Variants in MRFAP1L1 observed in about 807,000 individuals in gnomAD.
MRFAP1L1 encodes the protein MORF4 family-associated protein 1-like 1.
A neutral mutation model predicts 10.6 loss-of-function variants in MRFAP1L1; 9 were observed. That is an observed-to-expected ratio of 0.85 (90% CI 0.51 to 1.48). The LOEUF (loss-of-function observed/expected upper bound fraction) is 1.48. MRFAP1L1 is among the 40% of genes most tolerant of loss of function. The pLI is 0.00. For synonymous variants in MRFAP1L1, 78 were observed against 70.4 expected, an observed-to-expected ratio of 1.11 and a Z score of -0.54; for missense variants, 177 against 171.4, an observed-to-expected ratio of 1.03 and a Z score of -0.18.
At position 6,709,480 on chromosome 4, in the gene MRFAP1L1, G is replaced by T; in HGVS notation, c.150C>A (p.Tyr50Ter). ...ASLIREHGRA[Y>*]LRTRSKLWEM... ...CCCACAGCTTGCTCCTGGTCCGCAG[G>T]TACGCCCGCCCGTGCTCGCGTATAA... Residue 50 changes from tyrosine (Y) to a stop codon, truncating the protein, a stop_gained, in exon 1 of 2, where the codon TAC becomes TAA. Coordinates refer to ENST00000320848, the MANE Select transcript of MRFAP1L1 (RefSeq NM_203462.3). LOFTEE classifies it high-confidence loss of function. The T allele has an allele frequency of 6.2e-7, 1 of 1,614,260 alleles. No individual in the cohort carries two copies. Among genetic ancestry groups the T allele is most frequent in the East Asian group, 2.2e-5 (1 of 44,886 alleles).
chr4:6,709,167 G>C (rs1714696541), intron 1 of MRFAP1L1, 64 bp downstream of exon 1: 1 of 1,534,468 alleles, frequency 6.5e-7, no homozygotes, highest in African/African-American at 1.4e-5. Context: ...TACAGGGCGC[G>C]GTTTAACCAT....
Position 6,708,234 on chromosome 4 carries a change from A to C in MRFAP1L1, c.*425T>G, listed in dbSNP as rs1160884002. On this transcript the variant is annotated 3_prime_UTR_variant, in exon 2 of 2. Coordinates refer to ENST00000320848, the MANE Select transcript of MRFAP1L1 (RefSeq NM_203462.3). ...AATACATTCTTCACCAGGCTCAACC[A>C]AGTAGCGTAGTGTCTTCCATTGCAC... is the stretch of plus-strand genomic sequence containing the variant. The C allele has an allele frequency of 2.0e-5, 3 of 152,652 alleles. No individual in the cohort carries two copies. The highest frequency in any genetic ancestry group is 2.0e-4 in the Admixed American group (3 of 15,278). The allele number at this position is 152,652 out of a possible 1,614,324, so 9.5% of individuals were successfully genotyped here.
chr4:6,709,213 G>A lies in MRFAP1L1; in HGVS notation c.*15+18C>T, dbSNP rs1278399959. 6.2e-7 allele frequency: 1 copy of A among 1,604,690 alleles called. No homozygotes were observed. Among genetic ancestry groups the A allele is most frequent in the Admixed American group, 1.7e-5 (1 of 59,796 alleles). On this transcript the variant is annotated intron_variant, in intron 1 of 1. Transcript: ENST00000320848. ...ACTACTGAGTTTCATCCAAGCTCCA[G>A]CTAGTTTCCGACCTTACCACCGATC... is the stretch of plus-strand genomic sequence containing the variant.
rs567270659 is a variant in MRFAP1L1 at position 6,709,643 on chromosome 4, T to C, written c.-14A>G. ...CAGGGGCCGCATCTCCTCCTGCCGC[T>C]TCCTCAGTACCGCAGTAGGGGCGTT... On this transcript the variant is annotated 5_prime_UTR_variant, in exon 1 of 2. Transcript: ENST00000320848. 3.2e-5 allele frequency: 52 copies of C among 1,608,086 alleles called. No individual in the cohort carries two copies. In the South Asian group the frequency reaches 4.8e-4, roughly 15 times the overall value.
In MRFAP1L1 at chr4:6,709,808, A is replaced by G. The variant is rs932419802; in HGVS notation, c.-179T>C. On this transcript the variant is annotated 5_prime_UTR_variant, in exon 1 of 2. Coordinates refer to ENST00000320848, the MANE Select transcript of MRFAP1L1 (RefSeq NM_203462.3). ...TTAATTGTAAGCCTTTCGCTTCACA[A>G]CTCTGCGGGAAGAATCGCCGTGGAT... The G allele has an allele frequency of 3.5e-6, 3 of 861,022 alleles. No homozygotes were observed. The highest frequency in any genetic ancestry group is 3.0e-5 in the Admixed American group (1 of 33,154). 53.3% of individuals were successfully genotyped at this position (861,022 alleles called of 1,614,324 possible). A position where few individuals can be genotyped will look rare whatever the true frequency, so the allele number is the denominator to read the frequency against.
Position 6,709,762 on chromosome 4 carries a change from CTTTATT to C in MRFAP1L1, c.-139_-134del, listed in dbSNP as rs1464288494. On this transcript the variant is annotated 5_prime_UTR_variant, in exon 1 of 2. Coordinates refer to ENST00000320848, the MANE Select transcript of MRFAP1L1 (RefSeq NM_203462.3). ...TTTGTCAATTGTACTCCCGAATTAT[CTTTATT>C]TTTTTTTCTTCCTTTTAATTGTAAG... 1 of 1,199,814 alleles carries C rather than the reference CTTTATT, an allele frequency of 8.3e-7. No homozygotes were observed. The allele number at this position is 1,199,814 out of a possible 1,614,324, so 74.3% of individuals were successfully genotyped here. A position where few individuals can be genotyped will look rare whatever the true frequency, so the allele number is the denominator to read the frequency against.
In MRFAP1L1 at chr4:6,709,267, T is replaced by A; in HGVS notation, c.363A>T (p.Ile121=). ...TCCTTCAAGAAGACTCGCTTCTCTC[T>A]ATTCGCCAGACGAGCTCGACCAGCA... ...AEMLVELVWR[I]ERSESS The change falls in exon 1 of 2, where the codon ATA becomes ATT. Residue 121 remains isoleucine, a synonymous_variant. Coordinates refer to ENST00000320848, the MANE Select transcript of MRFAP1L1 (RefSeq NM_203462.3). 6.2e-7 allele frequency: 1 copy of A among 1,614,174 alleles called. No homozygotes were observed. Among genetic ancestry groups the A allele is most frequent in the South Asian group, 1.1e-5 (1 of 91,090 alleles).
At position 6,708,268 on chromosome 4, in the gene MRFAP1L1, T is replaced by G. The variant is rs1008227985; in HGVS notation, c.*391A>C. On this transcript the variant is annotated 3_prime_UTR_variant, in exon 2 of 2. Coordinates refer to ENST00000320848, the MANE Select transcript of MRFAP1L1 (RefSeq NM_203462.3). ...AGTGTCTTCCATTGCACCTCTAAAG[T>G]TGGAAGATTCTGATCCCACGTCTTG... 6.6e-6 allele frequency: 1 copy of G among 152,606 alleles called. No individual in the cohort carries two copies. Among genetic ancestry groups the G allele is most frequent in the East Asian group, 1.9e-4 (1 of 5,196 alleles). 9.5% of individuals were successfully genotyped at this position (152,606 alleles called of 1,614,324 possible). A position where few individuals can be genotyped will look rare whatever the true frequency, so the allele number is the denominator to read the frequency against.
rs1373426785 is a variant in MRFAP1L1 at position 6,709,531 on chromosome 4, G to C, written c.99C>G (p.Asn33Lys). The change falls in exon 1 of 2, where the codon AAC becomes AAG. Residue 33 changes from asparagine to lysine, a missense_variant. Physicochemically the swap from Asn to Lys is moderately conservative, Grantham distance 94. Coordinates refer to ENST00000320848, the MANE Select transcript of MRFAP1L1 (RefSeq NM_203462.3). ...GAGACGCGATGTCCTCGCGCATCTCGTTGATGACCGGGAGCAGGAACTGCT... is the reference window on the plus strand; with the variant it reads ...GAGACGCGATGTCCTCGCGCATCTCCTTGATGACCGGGAGCAGGAACTGCT... ...DFEQFLLPVINEMREDIASLI... is the reference protein window; with the variant it reads ...DFEQFLLPVIKEMREDIASLI... 9 of 1,614,266 alleles carry C rather than the reference G, an allele frequency of 5.6e-6. No homozygotes were observed. Among genetic ancestry groups the C allele is most frequent in the Non-Finnish European group, 7.6e-6 (9 of 1,180,044 alleles).
At chr4:6,708,990 G>A in intron 1 of MRFAP1L1, 3 of 520,000 alleles carry the variant, frequency 5.8e-6, no homozygotes, top group Middle Eastern at 5.2e-4. Context: ...CGAAGTTACT[G>A]TTATCTTTCT....
chr4:6,709,672 C>A lies in MRFAP1L1; in HGVS notation c.-43G>T, dbSNP rs755108409. 2.5e-6 allele frequency: 4 copies of A among 1,578,122 alleles called. No individual in the cohort carries two copies. Among genetic ancestry groups the A allele is most frequent in the Middle Eastern group, 1.7e-4 (1 of 5,892 alleles). On this transcript the variant is annotated 5_prime_UTR_variant, in exon 1 of 2. Coordinates refer to ENST00000320848, the MANE Select transcript of MRFAP1L1 (RefSeq NM_203462.3). Reference sequence around the variant, plus strand: ...TCAGTACCGCAGTAGGGGCGTTCTTCTCACCGGAACCCTCCAAGAACTGGA... The same window carrying A: ...TCAGTACCGCAGTAGGGGCGTTCTTATCACCGGAACCCTCCAAGAACTGGA...
Position 6,707,799 on chromosome 4 carries a change from C to G in MRFAP1L1, c.*860G>C. 1 of 152,114 alleles carries G rather than the reference C, an allele frequency of 6.6e-6. No individual in the cohort carries two copies. 9.4% of individuals were successfully genotyped at this position (152,114 alleles called of 1,614,324 possible). On this transcript the variant is annotated 3_prime_UTR_variant, in exon 2 of 2. Transcript: ENST00000320848. The stretch of plus-strand genomic sequence containing the variant: ...AAAGGCTTTTTAGGTCTTTGTTTTT[C>G]AAGGCAAATTAACACTTATTATACT...
chr4:6,709,451 A>C lies in MRFAP1L1; in HGVS notation c.179T>G (p.Met60Arg). 1 of 1,614,198 alleles carries C rather than the reference A, an allele frequency of 6.2e-7. No homozygotes were observed. Among genetic ancestry groups the C allele is most frequent in the Non-Finnish European group, 8.5e-7 (1 of 1,180,036 alleles). The stretch of plus-strand genomic sequence containing the variant: ...TTTGATCTGGATAAGCATATTGTCC[A>C]TCTCCCACAGCTTGCTCCTGGTCCG... ...YLRTRSKLWE[M>R]DNMLIQIKTQ... Residue 60 changes from methionine to arginine, a missense_variant, in exon 1 of 2, where the codon ATG (methionine) becomes AGG (arginine). Transcript: ENST00000320848.
rs578236701 is a variant in MRFAP1L1, at chr4:6,709,251, A to T, written c.379T>A (p.Ser127Thr). 1 of 1,612,772 alleles carries T rather than the reference A, an allele frequency of 6.2e-7. No individual in the cohort carries two copies. Among genetic ancestry groups the T allele is most frequent in the Non-Finnish European group, 8.5e-7 (1 of 1,178,764 alleles). Residue 127 changes from serine (S) to threonine (T), a missense_variant, in exon 1 of 2, where the codon TCT becomes ACT. Coordinates refer to ENST00000320848, the MANE Select transcript of MRFAP1L1 (RefSeq NM_203462.3). The part of the protein sequence containing the change: ...LVWRIERSES[S>T] ...CTTACCACCGATCTCCTCCTTCAAG[A>T]AGACTCGCTTCTCTCTATTCGCCAG... is the stretch of plus-strand genomic sequence containing the variant.
chr4:6,709,397 G>A lies in MRFAP1L1; in HGVS notation c.233C>T (p.Ala78Val), dbSNP rs776930474. 6 of 1,614,252 alleles carry A rather than the reference G, an allele frequency of 3.7e-6. No homozygotes were observed. The highest frequency in any genetic ancestry group is 5.1e-6 in the Non-Finnish European group (6 of 1,180,042). ...KTQVEASEES[A>V]LNHVQHPSGE... ...ACTCGGGTGCTGCACGTGATTGAGG[G>A]CGCTCTCCTCCGAGGCCTCCACCTG... The change falls in exon 1 of 2, where the codon GCC (alanine) becomes GTC (valine). Residue 78 changes from alanine (A) to valine (V), a missense_variant. Coordinates refer to ENST00000320848, the MANE Select transcript of MRFAP1L1 (RefSeq NM_203462.3).
chr4:6,709,159 C>A, intron 1 of MRFAP1L1, 72 bp downstream of exon 1: 3 of 1,511,398 alleles, frequency 2.0e-6, no homozygotes, highest in Non-Finnish European at 2.7e-6. Context: ...TAACTTTTTA[C>A]AGGGCGCGGT....
In MRFAP1L1 at chr4:6,708,499, G is replaced by A. The variant is rs184264462; in HGVS notation, c.*160C>T. 13 of 152,296 alleles carry A rather than the reference G, an allele frequency of 8.5e-5. No individual in the cohort carries two copies. The highest frequency in any genetic ancestry group is 5.8e-4 in the East Asian group (3 of 5,182). The allele number at this position is 152,296 out of a possible 1,614,324, so 9.4% of individuals were successfully genotyped here. A position where few individuals can be genotyped will look rare whatever the true frequency, so the allele number is the denominator to read the frequency against. ...ATTTGATAATCTAAATCCATATCGAGGTCATCAATCACTGACCATAAGGGA... is the reference window on the plus strand; with the variant it reads ...ATTTGATAATCTAAATCCATATCGAAGTCATCAATCACTGACCATAAGGGA... On this transcript the variant is annotated 3_prime_UTR_variant, in exon 2 of 2. Transcript: ENST00000320848.
At chr4:6,709,116 A>G in intron 1 of MRFAP1L1, 115 bp downstream of exon 1, 3 of 1,150,224 alleles carry the variant, frequency 2.6e-6, no homozygotes, top group Non-Finnish European at 3.7e-6. Context: ...TCAATTTTTG[A>G]TGCAATAAAA....
In MRFAP1L1 at chr4:6,707,851, G is replaced by A. The variant is rs1388724988; in HGVS notation, c.*808C>T. Reference sequence around the variant, plus strand: ...TTGACTTTGACCTCCAATCTGACAGGTCTACTACCCTGATGAACTGGAAGA... The same window carrying A: ...TTGACTTTGACCTCCAATCTGACAGATCTACTACCCTGATGAACTGGAAGA... On this transcript the variant is annotated 3_prime_UTR_variant, in exon 2 of 2. Coordinates refer to ENST00000320848, the MANE Select transcript of MRFAP1L1 (RefSeq NM_203462.3). 2.0e-5 allele frequency: 3 copies of A among 152,400 alleles called. No homozygotes were observed. Among genetic ancestry groups the A allele is most frequent in the Non-Finnish European group, 4.4e-5 (3 of 68,014 alleles). 9.4% of individuals were successfully genotyped at this position (152,400 alleles called of 1,614,324 possible).
Sources: gnomAD v4.1 joint callset for allele counts on GRCh38, gnomAD v4.1.1 for gene constraint, MANE v1.5 for transcripts, NCBI Gene and HGNC (gene_info 2026-07-23, HGNC 2026-07-21) for gene names.